The following GK5 variants were observed in gnomAD, a reference collection of about 807,000 sequenced individuals.
The protein encoded by GK5 is ATP:glycerol 3-phosphotransferase 5.
Under a neutral mutation model 77.3 loss-of-function variants are expected in GK5, and 39 were observed. The ratio of observed to expected loss-of-function variants is 0.50; its 90% CI spans 0.39 to 0.66. The LOEUF is 0.66. Ranked by LOEUF, GK5 falls within the 30% of genes least tolerant of loss-of-function variation. GK5 has a pLI of 0.00. For synonymous variants in GK5, 211 were observed against 208.0 expected (o/e 1.01, Z -0.13); for missense variants, 487 against 633.8 (o/e 0.77, Z 2.49).
chr3:142,189,684 AC>A (rs1183866333), intron 5 of GK5, among the ~76,000 whole-genome samples: 3 of 152,036 alleles, frequency 2.0e-5, no homozygotes, highest in African/African-American at 7.2e-5. Context: ...ACCTAGGTCA[AC>A]CCCCCTCACG....
intron 12 of GK5, among the ~76,000 whole-genome samples, chr3:142,175,645 C>A (rs942573077): frequency 6.6e-6 from 1 of 151,964 alleles, no homozygotes; most frequent in Non-Finnish European, 1.5e-5. Flanking sequence ...TTTCATTTTA[C>A]ACAGGGAAAT....
chr3:142,222,550 C>A (rs1476357256), intron 1 of GK5, among the ~76,000 whole-genome samples: 1 of 150,646 alleles, frequency 6.6e-6, no homozygotes, highest in Non-Finnish European at 1.5e-5. Flanking sequence ...GGCGACAGAG[C>A]GAGACTCCAT....
At chr3:142,194,047 G>A (rs1015985854) in intron 5 of GK5, among the ~76,000 whole-genome samples, 5 of 151,714 alleles carry the variant, frequency 3.3e-5, no homozygotes, top group Admixed American at 6.6e-5. Context: ...AGCCAAAATT[G>A]TTTTCTTAAT....
At chr3:142,171,991 A>G (rs1444968125) in intron 13 of GK5, among the ~76,000 whole-genome samples, 1 of 152,118 alleles carries the variant, frequency 6.6e-6, no homozygotes, top group South Asian at 2.1e-4. Context: ...AATTCTGATG[A>G]CTCAATTTTG....
intron 5 of GK5, among the ~76,000 whole-genome samples, chr3:142,189,390 C>T (rs2063817793): frequency 6.6e-6 from 1 of 152,096 alleles, no homozygotes; most frequent in African/African-American, 2.4e-5. Flanking sequence ...TTTAAGATTC[C>T]ATTCAAGAGT....
chr3:142,183,745 C>T (rs1000653802), intron 9 of GK5, among the ~76,000 whole-genome samples: 5 of 150,976 alleles, frequency 3.3e-5, no homozygotes, highest in African/African-American at 4.9e-5. Context: ...CAGGTGTGAG[C>T]CACTGCACCT....
At chr3:142,192,422 T>G (rs2063865252) in intron 5 of GK5, among the ~76,000 whole-genome samples, 1 of 152,196 alleles carries the variant, frequency 6.6e-6, no homozygotes, top group African/African-American at 2.4e-5. Context: ...TATAGCAGTT[T>G]TATTCATAAT....
In GK5 at chr3:142,198,785, A is replaced by G; in HGVS notation, c.543+17T>C. On this transcript the variant is annotated intron_variant, in intron 5 of 15. Transcript: ENST00000392993. ...ACATACACACATATTTTCCACATAC[A>G]CACAGTATTTTCTTACCTCAGTCAA... The G allele has an allele frequency of 1.2e-6, 2 of 1,600,426 alleles. No individual in the cohort carries two copies. Among genetic ancestry groups the G allele is most frequent in the Non-Finnish European group, 1.7e-6 (2 of 1,175,028 alleles).
intron 3 of GK5, among the ~76,000 whole-genome samples, chr3:142,205,817 C>T (rs2107792287): frequency 6.6e-6 from 1 of 152,252 alleles, no homozygotes; most frequent in Non-Finnish European, 1.5e-5. Context: ...GCAGTAAGTA[C>T]ATTCACAACG....
chr3:142,162,094 C>G lies in GK5; in HGVS notation c.*3528G>C, dbSNP rs193088419. The stretch of plus-strand genomic sequence containing the variant: ...GGATTACAGGTGTGAGCCACTGTGC[C>G]CAGCTGAGATTTATTTTTTCTTTAT... On this transcript the variant is annotated 3_prime_UTR_variant, in exon 16 of 16. Coordinates refer to ENST00000392993, the MANE Select transcript of GK5 (RefSeq NM_001039547.3). 6.6e-6 allele frequency: 1 copy of G among 152,068 alleles called. No homozygotes were observed. The highest frequency in any genetic ancestry group is 2.4e-5 in the African/African-American group (1 of 41,386). The allele number at this position is 152,068 out of a possible 1,614,324, so 9.4% of individuals were successfully genotyped here. A position where few individuals can be genotyped will look rare whatever the true frequency, so the allele number is the denominator to read the frequency against.
At chr3:142,166,720 A>C (rs2063476513) in intron 15 of GK5, among the ~76,000 whole-genome samples, 1 of 152,164 alleles carries the variant, frequency 6.6e-6, no homozygotes, top group Admixed American at 6.5e-5. Flanking sequence ...CTTTTAGTAG[A>C]GACGTGGTTT....
intron 5 of GK5, among the ~76,000 whole-genome samples, chr3:142,195,075 G>A (rs1000461320): frequency 1.3e-5 from 2 of 152,036 alleles, no homozygotes; most frequent in East Asian, 3.9e-4. Context: ...TTATCATGAA[G>A]AGGGGCTAGA....
chr3:142,162,278 C>T lies in GK5; in HGVS notation c.*3344G>A, dbSNP rs2063431670. 1 of 152,128 alleles carries T rather than the reference C, an allele frequency of 6.6e-6. No individual in the cohort carries two copies. Among genetic ancestry groups the T allele is most frequent in the Non-Finnish European group, 1.5e-5 (1 of 68,028 alleles). 9.4% of individuals were successfully genotyped at this position (152,128 alleles called of 1,614,324 possible). ...CTTCTAACAGCCTGTATCAGTGGCT[C>T]TCAACTGGGGGCAATTTTGCCTCTC... On this transcript the variant is annotated 3_prime_UTR_variant, in exon 16 of 16. Transcript: ENST00000392993.
intron 3 of GK5, among the ~76,000 whole-genome samples, chr3:142,209,408 G>A (rs1456438869): frequency 1.3e-5 from 2 of 152,174 alleles, no homozygotes; most frequent in African/African-American, 4.8e-5. Flanking sequence ...CAAGATGAAA[G>A]TGGCATCATT....
intron 1 of GK5, among the ~76,000 whole-genome samples, chr3:142,218,540 C>CAA (rs569737640): frequency 6.8e-5 from 4 of 58,944 alleles, no homozygotes; most frequent in East Asian, 4.8e-4. Flanking sequence ...GGCTCCATCT[C>CAA]AAAAAAAAAA....
In GK5 at chr3:142,186,475, T is replaced by C. The variant is rs762237769; in HGVS notation, c.658A>G (p.Thr220Ala). ...YATDFSNAST[T>A]GLFDPYKMCW... The stretch of plus-strand genomic sequence containing the variant: ...ACCTTATATGGGTCAAAAAGTCCAG[T>C]TGTACTAGCATTTGAAAAATCTGTG... Residue 220 changes from threonine to alanine, a missense_variant, in exon 7 of 16, where the codon ACT (threonine) becomes GCT (alanine). By Grantham distance (58) the Thr-to-Ala change is moderately conservative (BLOSUM62 0). Transcript: ENST00000392993. 9.6e-6 allele frequency: 15 copies of C among 1,556,258 alleles called. No individual in the cohort carries two copies. Among genetic ancestry groups the C allele is most frequent in the Non-Finnish European group, 1.3e-5 (15 of 1,148,986 alleles).
chr3:142,187,621 A>AT, intron 6 of GK5, 83 bp downstream of exon 6: 1 of 982,298 alleles, frequency 1.0e-6, no homozygotes, highest in Non-Finnish European at 1.5e-6. Context: ...AAAAAAAAAA[A>AT]GTAACTTCTA....
At chr3:142,218,638 T>C (rs2064305010) in intron 1 of GK5, among the ~76,000 whole-genome samples, 1 of 151,770 alleles carries the variant, frequency 6.6e-6, no homozygotes, top group South Asian at 2.1e-4. Context: ...TGTAAAACTA[T>C]AAAATGTTTA....
In GK5 at chr3:142,185,925, T is replaced by TATACTA. The variant is rs746683297; in HGVS notation, c.816+3_816+4insTAGTAT. On this transcript the variant is annotated splice_donor_region_variant and intron_variant, in intron 9 of 15. Coordinates refer to ENST00000392993, the MANE Select transcript of GK5 (RefSeq NM_001039547.3). The stretch of plus-strand genomic sequence containing the variant: ...AAAGGGAATCCCTCAAGTTTCCTAC[T>TATACTA]TACCAAGGCAACTATTGGTATAGGC... The TATACTA allele has an allele frequency of 6.3e-7, 1 of 1,599,946 alleles. No individual in the cohort carries two copies. The highest frequency in any genetic ancestry group is 1.1e-5 in the South Asian group (1 of 88,616).
Sources: gnomAD v4.1 joint callset for allele counts (sites outside exome capture counted in the v4.1 genomes callset) on GRCh38, gnomAD v4.1.1 for gene constraint, MANE v1.5 for transcripts, NCBI Gene and HGNC (gene_info 2026-07-23, HGNC 2026-07-21) for gene names.